LRP1B: variants seen among roughly 807,000 people sequenced by gnomAD.
LRP1B encodes the protein LDL receptor related protein 1B, also known as low-density lipoprotein receptor-related protein 1B.
A neutral mutation model predicts 556.6 loss-of-function variants in LRP1B; 217 were observed. The ratio of observed to expected loss-of-function variants is 0.39; its 90% CI spans 0.35 to 0.44. LRP1B has a LOEUF of 0.44. Ranked by LOEUF, LRP1B falls within the 20% of genes least tolerant of loss-of-function variation. LRP1B has a pLI of 1.00. For synonymous variants in LRP1B, 2,047 were observed against 1,865.8 expected, an observed-to-expected ratio of 1.10 and a Z score of -2.50; for missense variants, 5,053 against 5,620.8, an observed-to-expected ratio of 0.90 and a Z score of 3.23.
chr2:140,257,933 G>GC (rs1169797371), intron 86 of LRP1B, among the ~76,000 whole-genome samples: 4 of 152,148 alleles, frequency 2.6e-5, no homozygotes, highest in African/African-American at 9.7e-5. Flanking sequence ...GTGCTGCTCA[G>GC]CCTGACAGCA....
chr2:141,271,253 G>A (rs1279560925), intron 3 of LRP1B, among the ~76,000 whole-genome samples: 2 of 151,458 alleles, frequency 1.3e-5, no homozygotes, highest in African/African-American at 2.4e-5. Flanking sequence ...AGATAAATGT[G>A]GGACATCAGT....
At chr2:140,535,355 C>A (rs1056858087) in intron 46 of LRP1B, among the ~76,000 whole-genome samples, 11 of 152,120 alleles carry the variant, frequency 7.2e-5, no homozygotes, top group African/African-American at 2.2e-4. Flanking sequence ...TATAGCCATT[C>A]ATTAAAGCGA....
intron 41 of LRP1B, among the ~76,000 whole-genome samples, chr2:140,650,035 C>T (rs998006505): frequency 3.9e-5 from 6 of 151,944 alleles, no homozygotes; most frequent in African/African-American, 1.4e-4. Flanking sequence ...GAAATATTTA[C>T]TTTTATATTC....
Position 141,032,179 on chromosome 2 carries a change from A to C in LRP1B, c.1790-12077T>G, listed in dbSNP as rs533196644. Among the ~76,000 whole-genome samples the C allele has an allele frequency of 9.9e-5, 15 of 152,156 alleles. No homozygotes were observed. The East Asian group carries it at 1.9e-3, about 20-fold the overall frequency. ...AAATATCTTTTAACTCACTTTGTCT[A>C]TTTATGGGTTTTGTTGATTTAAGTA... On this transcript the variant is annotated intron_variant, in intron 11 of 90. Coordinates refer to ENST00000389484, the MANE Select transcript of LRP1B (RefSeq NM_018557.3).
chr2:140,557,930 C>T (rs1380500089), intron 43 of LRP1B, among the ~76,000 whole-genome samples: 1 of 152,124 alleles, frequency 6.6e-6, no homozygotes. Flanking sequence ...GTAGGGATCT[C>T]TTTCTGTGCA....
intron 82 of LRP1B, among the ~76,000 whole-genome samples, chr2:140,318,546 TATTG>T (rs1684628555): frequency 6.6e-6 from 1 of 152,124 alleles, no homozygotes; most frequent in Non-Finnish European, 1.5e-5. Flanking sequence ...CAAAGTGACA[TATTG>T]ATTTTAAAGG....
At chr2:141,093,919 A>G (rs1700233466) in intron 7 of LRP1B, among the ~76,000 whole-genome samples, 1 of 151,944 alleles carries the variant, frequency 6.6e-6, no homozygotes, top group Non-Finnish European at 1.5e-5. Context: ...GTTTCACCAC[A>G]TTAGCCAGGC....
chr2:140,440,182 G>A (rs573056551), intron 66 of LRP1B, among the ~76,000 whole-genome samples: 1 of 152,252 alleles, frequency 6.6e-6, no homozygotes, highest in East Asian at 1.9e-4. Flanking sequence ...AACTCCAAGA[G>A]CATAAGAGAA....
intron 67 of LRP1B, among the ~76,000 whole-genome samples, chr2:140,383,602 T>A (rs1194573662): frequency 1.3e-5 from 2 of 152,178 alleles, no homozygotes; most frequent in African/African-American, 4.8e-5. Flanking sequence ...TCCTCTTACA[T>A]GTTCAAAACA....
intron 75 of LRP1B, 102 bp from the exon 76 acceptor site, chr2:140,353,174 G>T: frequency 8.6e-7 from 1 of 1,169,032 alleles, no homozygotes. Flanking sequence ...CTTATTACTA[G>T]CTTTATTGTC....
intron 14 of LRP1B, among the ~76,000 whole-genome samples, chr2:141,007,266 C>T (rs143489641): frequency 2.0e-5 from 3 of 151,866 alleles, no homozygotes; most frequent in Middle Eastern, 3.4e-3. Context: ...CTCTAAAATG[C>T]TCCTCTATAC....
At chr2:140,411,720 T>C (rs531276523) in intron 66 of LRP1B, among the ~76,000 whole-genome samples, 58 of 151,340 alleles carry the variant, frequency 3.8e-4, no homozygotes, top group South Asian at 2.5e-3. Flanking sequence ...ATGAGGATAA[T>C]AACAATAACA....
intron 7 of LRP1B, among the ~76,000 whole-genome samples, chr2:141,070,072 C>T (rs998180625): frequency 9.4e-5 from 14 of 149,112 alleles, no homozygotes; most frequent in South Asian, 2.1e-4. Flanking sequence ...TTTGTTCTTG[C>T]GATAGTTTAC....
At chr2:140,710,037 TA>T (rs1186794057) in intron 37 of LRP1B, among the ~76,000 whole-genome samples, 2 of 152,198 alleles carry the variant, frequency 1.3e-5, no homozygotes, top group South Asian at 4.1e-4. Context: ...TGTGACATAA[TA>T]TTTTTAAAAT....
At chr2:141,452,786 G>A (rs760318690) in intron 3 of LRP1B, among the ~76,000 whole-genome samples, 1 of 152,164 alleles carries the variant, frequency 6.6e-6, no homozygotes, top group African/African-American at 2.4e-5. Flanking sequence ...GGTTCTCCCA[G>A]GAGGTATTTC....
At chr2:140,941,670 A>T (rs1695407518) in intron 20 of LRP1B, among the ~76,000 whole-genome samples, 1 of 152,164 alleles carries the variant, frequency 6.6e-6, no homozygotes. Context: ...ATCTACAACC[A>T]AGTAACTCAT....
intron 7 of LRP1B, among the ~76,000 whole-genome samples, chr2:141,106,912 A>C (rs1325384892): frequency 6.6e-6 from 1 of 152,210 alleles, no homozygotes; most frequent in Non-Finnish European, 1.5e-5. Flanking sequence ...GAATATTCCT[A>C]AAAATAATTT....
intron 83 of LRP1B, among the ~76,000 whole-genome samples, chr2:140,302,065 T>G (rs1034093878): frequency 1.3e-5 from 2 of 152,178 alleles, no homozygotes; most frequent in African/African-American, 4.8e-5. Flanking sequence ...AGCTGGAAGA[T>G]CTTTCTCCAG....
chr2:140,654,533 A>G (rs919596428), intron 41 of LRP1B, among the ~76,000 whole-genome samples: 1 of 152,198 alleles, frequency 6.6e-6, no homozygotes, highest in African/African-American at 2.4e-5. Context: ...AAAAGAAACC[A>G]TTTAATTTTT....
Sources: allele counts gnomAD v4.1 joint callset (sites outside exome capture counted in the v4.1 genomes callset), GRCh38; gene constraint gnomAD v4.1.1; transcripts MANE v1.5; gene names NCBI Gene and HGNC (gene_info 2026-07-23, HGNC 2026-07-21).